CDK14: variants seen among roughly 807,000 people sequenced by gnomAD.
CDK14 encodes cyclin-dependent kinase 14.
A neutral mutation model predicts 60.7 loss-of-function variants in CDK14; 34 were observed. The observed-to-expected ratio is 0.56, with a 90% CI of 0.43 to 0.75. The LOEUF (loss-of-function observed/expected upper bound fraction) is 0.75, where lower values mean the gene tolerates loss of function less well. Ranked by LOEUF, CDK14 falls within the 30% of genes least tolerant of loss-of-function variation. CDK14 has a pLI of 0.00. For missense variants in CDK14, 482 were observed against 564.1 expected (o/e 0.85, Z 1.47); for synonymous variants, 197 against 203.7 (o/e 0.97, Z 0.28).
At position 90,722,137 on chromosome 7, in the gene CDK14, C is replaced by A. The variant is rs144656920; in HGVS notation, c.124-4430C>A. Among the ~76,000 whole-genome samples, 204 of 151,488 alleles carry A rather than the reference C, an allele frequency of 1.3e-3. 3 individuals carry two copies. The East Asian group carries it at 0.035, about 26-fold the overall frequency. ...TTACCCCTCTTCTCCCTTCTCCCCTCTTACCCCTCTTCCCCCTTTTCCATT... is the reference window on the plus strand; with the variant it reads ...TTACCCCTCTTCTCCCTTCTCCCCTATTACCCCTCTTCCCCCTTTTCCATT... On this transcript the variant is annotated intron_variant, in intron 2 of 14. Transcript: ENST00000380050.
At chr7:91,155,795 A>G (rs930807865) in intron 14 of CDK14, among the ~76,000 whole-genome samples, 1 of 152,216 alleles carries the variant, frequency 6.6e-6, no homozygotes, top group African/African-American at 2.4e-5. Flanking sequence ...TTGGGTTTAT[A>G]TATTAAAACA....
At chr7:90,762,437 G>T (rs117484679) in intron 4 of CDK14, among the ~76,000 whole-genome samples, 1,837 of 152,060 alleles carry the variant, frequency 0.012, 22 homozygotes, top group Non-Finnish European at 0.021. Flanking sequence ...CTGAATCAAG[G>T]GGGTATGTGA....
chr7:90,971,273 G>A (rs1794921446), intron 9 of CDK14, among the ~76,000 whole-genome samples: 1 of 151,978 alleles, frequency 6.6e-6, no homozygotes, highest in African/African-American at 2.4e-5. Context: ...CAAGGTCACA[G>A]GGAAAGACAG....
intron 2 of CDK14, among the ~76,000 whole-genome samples, chr7:90,622,463 GA>G (rs1291473108): frequency 6.6e-6 from 1 of 152,172 alleles, no homozygotes; most frequent in Non-Finnish European, 1.5e-5. Flanking sequence ...ATCTTTCTCT[GA>G]AGTCCTCAGC....
chr7:91,099,397 A>T (rs1799094846), intron 12 of CDK14, among the ~76,000 whole-genome samples: 1 of 152,182 alleles, frequency 6.6e-6, no homozygotes, highest in African/African-American at 2.4e-5. Flanking sequence ...ATCATAAAAA[A>T]TGAGAGTTGT....
intron 5 of CDK14, among the ~76,000 whole-genome samples, chr7:90,814,233 A>G (rs1789256428): frequency 1.3e-5 from 2 of 151,414 alleles, no homozygotes; most frequent in South Asian, 4.2e-4. Context: ...ATCGTGGGTA[A>G]ATTAAAAGAG....
At chr7:90,745,866 T>C (rs1219986389) in intron 3 of CDK14, among the ~76,000 whole-genome samples, 1 of 152,254 alleles carries the variant, frequency 6.6e-6, no homozygotes, top group Non-Finnish European at 1.5e-5. Flanking sequence ...TACTTGAGAA[T>C]CACTGTCAGC....
intron 2 of CDK14, among the ~76,000 whole-genome samples, chr7:90,656,887 A>G (rs1010393701): frequency 6.6e-6 from 1 of 152,216 alleles, no homozygotes; most frequent in Non-Finnish European, 1.5e-5. Context: ...ACAACTAACA[A>G]TAGTGGAAAA....
intron 2 of CDK14, among the ~76,000 whole-genome samples, chr7:90,678,625 C>T (rs1372955011): frequency 2.0e-5 from 3 of 152,004 alleles, no homozygotes; most frequent in Non-Finnish European, 4.4e-5. Flanking sequence ...TGTGAGAAGC[C>T]TCGGTGCATA....
chr7:91,085,349 A>C (rs1296819417), intron 12 of CDK14, among the ~76,000 whole-genome samples: 2 of 151,992 alleles, frequency 1.3e-5, no homozygotes, highest in African/African-American at 2.4e-5. Flanking sequence ...CACCCGCTCA[A>C]CGCCTCCTGC....
intron 3 of CDK14, among the ~76,000 whole-genome samples, chr7:90,747,305 C>T (rs1263868201): frequency 6.6e-6 from 1 of 151,990 alleles, no homozygotes; most frequent in Non-Finnish European, 1.5e-5. Flanking sequence ...GGTATAATAA[C>T]ATGTAAAGTG....
chr7:91,011,889 T>G (rs930108687), intron 10 of CDK14, among the ~76,000 whole-genome samples: 4 of 152,190 alleles, frequency 2.6e-5, no homozygotes, highest in Non-Finnish European at 5.9e-5. Context: ...CTACAAAGTC[T>G]GTCATCTTTG....
chr7:91,118,218 C>A lies in CDK14; in HGVS notation c.*28+10C>A. ...TCTCAAGAGCACACAGGTAAGAGGA[C>A]CTGCTTTACCTGGAAAGTAATATTT... is the stretch of plus-strand genomic sequence containing the variant. On this transcript the variant is annotated intron_variant, in intron 14 of 14. Coordinates refer to ENST00000380050, the MANE Select transcript of CDK14 (RefSeq NM_001287135.2). 2.6e-6 allele frequency: 3 copies of A among 1,137,614 alleles called. No individual in the cohort carries two copies. Among genetic ancestry groups the A allele is most frequent in the South Asian group, 2.6e-5 (2 of 77,380 alleles). The allele number at this position is 1,137,614 out of a possible 1,614,324, so 70.5% of individuals were successfully genotyped here.
chr7:90,666,739 G>C (rs767610295), intron 2 of CDK14, among the ~76,000 whole-genome samples: 3 of 152,162 alleles, frequency 2.0e-5, no homozygotes, highest in Non-Finnish European at 2.9e-5. Context: ...GGCAGGTTTT[G>C]TTCCTCTTTG....
At chr7:90,763,096 C>T (rs1804391044) in intron 4 of CDK14, among the ~76,000 whole-genome samples, 1 of 152,154 alleles carries the variant, frequency 6.6e-6, no homozygotes, top group African/African-American at 2.4e-5. Context: ...GAGCTTAGTT[C>T]TCCAAGAAGA....
chr7:90,614,481 C>T (rs979587217), intron 2 of CDK14, among the ~76,000 whole-genome samples: 9 of 152,290 alleles, frequency 5.9e-5, no homozygotes, highest in African/African-American at 2.2e-4. Context: ...GTAATGTTCA[C>T]TTTCCCTTCT....
At chr7:91,114,393 G>C (rs531398381) in intron 13 of CDK14, among the ~76,000 whole-genome samples, 2 of 152,140 alleles carry the variant, frequency 1.3e-5, no homozygotes, top group Admixed American at 1.3e-4. Context: ...CCTTGTCCCC[G>C]TCATTAACAA....
At chr7:90,862,128 A>G (rs1791028715) in intron 5 of CDK14, among the ~76,000 whole-genome samples, 1 of 152,234 alleles carries the variant, frequency 6.6e-6, no homozygotes, top group Non-Finnish European at 1.5e-5. Flanking sequence ...ATCAGAAGTG[A>G]AGACTAAATT....
intron 12 of CDK14, among the ~76,000 whole-genome samples, chr7:91,099,989 A>AGG (rs1344959696): frequency 2.6e-5 from 4 of 152,116 alleles, no homozygotes; most frequent in Non-Finnish European, 5.9e-5. Context: ...TTCTAGTCAG[A>AGG]GGGTTGAAAA....
Sources: allele counts gnomAD v4.1 joint callset (sites outside exome capture counted in the v4.1 genomes callset), GRCh38; gene constraint gnomAD v4.1.1; transcripts MANE v1.5; gene names NCBI Gene and HGNC (gene_info 2026-07-23, HGNC 2026-07-21).